Variants in SNAP25 observed in about 807,000 individuals in gnomAD.
The protein encoded by SNAP25 is synaptosomal-associated protein 25.
In SNAP25, 3 loss-of-function variants were observed where a neutral mutation model predicts 28.7. The ratio of observed to expected loss-of-function variants is 0.10; its 90% CI spans 0.05 to 0.27. SNAP25 has a LOEUF of 0.27. Among genes scored for constraint, SNAP25 ranks in the 10% least tolerant of loss-of-function variants. SNAP25 has a pLI of 1.00. For synonymous variants in SNAP25, 61 were observed against 88.1 expected (o/e 0.69, Z 1.72); for missense variants, 117 against 278.7 (o/e 0.42, Z 4.13).
chr20:10,244,343 G>A (rs2063090049), intron 1 of SNAP25, among the ~76,000 whole-genome samples: 1 of 152,044 alleles, frequency 6.6e-6, no homozygotes, highest in African/African-American at 2.4e-5. Context: ...AAATCCACCA[G>A]GTTTATTTAT....
intron 1 of SNAP25, among the ~76,000 whole-genome samples, chr20:10,246,637 T>A (rs927342747): frequency 6.6e-6 from 1 of 152,000 alleles, no homozygotes; most frequent in Non-Finnish European, 1.5e-5. Flanking sequence ...TGCAGACAAG[T>A]CTCCTAAACT....
Position 10,275,490 on chromosome 20 carries a change from C to A in SNAP25, c.-2C>A. 6.2e-7 allele frequency: 1 copy of A among 1,603,240 alleles called. No homozygotes were observed. Among genetic ancestry groups the A allele is most frequent in the Non-Finnish European group, 8.5e-7 (1 of 1,174,578 alleles). On this transcript the variant is annotated 5_prime_UTR_variant, in exon 2 of 8. Coordinates refer to ENST00000254976, the MANE Select transcript of SNAP25 (RefSeq NM_130811.4). ...GGCGCCCAGCCACTCCCCACCGCTA[C>A]CATGGCCGAAGACGCAGACATGCGC...
At chr20:10,305,132 A>G (rs1212892531) in intron 7 of SNAP25, among the ~76,000 whole-genome samples, 3 of 152,330 alleles carry the variant, frequency 2.0e-5, no homozygotes, top group Admixed American at 2.0e-4. Context: ...TATTTTATCC[A>G]TTCATGACAT....
At chr20:10,260,688 TACACACACACACACAC>T (rs36220354) in intron 1 of SNAP25, among the ~76,000 whole-genome samples, 3 of 148,596 alleles carry the variant, frequency 2.0e-5, no homozygotes, top group Non-Finnish European at 3.0e-5. Flanking sequence ...TTAGACTCAC[TACACACACACACACAC>T]ACACACACAC....
rs563979456 is a variant in SNAP25, at chr20:10,286,669, G to A, written c.163+1897G>A. Reference sequence around the variant, plus strand: ...ATCTGGCTGTCACATAAAGGCTTTCGGTTTTACATTATTTATTTGTATTAA... The same window carrying A: ...ATCTGGCTGTCACATAAAGGCTTTCAGTTTTACATTATTTATTTGTATTAA... On this transcript the variant is annotated intron_variant, in intron 4 of 7. Coordinates refer to ENST00000254976, the MANE Select transcript of SNAP25 (RefSeq NM_130811.4). Among the ~76,000 whole-genome samples, 128 of 152,168 alleles carry A rather than the reference G, an allele frequency of 8.4e-4. 3 individuals are homozygous for A. Among genetic ancestry groups the A allele is most frequent in the Non-Finnish European group, 5.3e-4 (36 of 68,010 alleles).
rs761144395 is a variant in SNAP25 at position 10,297,036 on chromosome 20, C to G, written c.393C>G (p.Gly131=). The part of the protein sequence containing the change: ...VDEREQMAIS[G]GFIRRVTNDA... The stretch of plus-strand genomic sequence containing the variant: ...AACGGGAGCAGATGGCCATCAGTGG[C>G]GGCTTCATCCGCAGGTGAGCCTCAT... Residue 131 remains glycine (G), a synonymous_variant, in exon 6 of 8, where the codon GGC becomes GGG. Coordinates refer to ENST00000254976, the MANE Select transcript of SNAP25 (RefSeq NM_130811.4). 5.6e-6 allele frequency: 9 copies of G among 1,600,532 alleles called. No individual in the cohort carries two copies. The highest frequency in any genetic ancestry group is 1.7e-4 in the Middle Eastern group (1 of 6,012).
intron 1 of SNAP25, among the ~76,000 whole-genome samples, chr20:10,229,657 A>G (rs567040213): frequency 1.7e-4 from 26 of 152,226 alleles, no homozygotes; most frequent in Middle Eastern, 3.4e-3. Flanking sequence ...TTGAGCATCT[A>G]CTATGTGGTA....
chr20:10,224,669 TC>T (rs1379335908), intron 1 of SNAP25, among the ~76,000 whole-genome samples: 1 of 151,860 alleles, frequency 6.6e-6, no homozygotes, highest in Admixed American at 6.6e-5. Flanking sequence ...CCTTATTTTT[TC>T]CCCCCTCAGA....
chr20:10,306,244 T>C lies in SNAP25; in HGVS notation c.*47T>C. On this transcript the variant is annotated 3_prime_UTR_variant, in exon 8 of 8. Coordinates refer to ENST00000254976, the MANE Select transcript of SNAP25 (RefSeq NM_130811.4). ...TCCAAATGCTGTCGGGCAAGATAGCTCCTTCATGCTTTTCTCATGGTATTA... is the reference window on the plus strand; with the variant it reads ...TCCAAATGCTGTCGGGCAAGATAGCCCCTTCATGCTTTTCTCATGGTATTA... The C allele has an allele frequency of 6.4e-7, 1 of 1,552,134 alleles. No individual in the cohort carries two copies. Among genetic ancestry groups the C allele is most frequent in the Non-Finnish European group, 8.9e-7 (1 of 1,124,832 alleles).
intron 1 of SNAP25, among the ~76,000 whole-genome samples, chr20:10,235,082 A>T (rs1348736047): frequency 6.6e-6 from 1 of 151,876 alleles, no homozygotes; most frequent in East Asian, 1.9e-4. Context: ...AAATAAAGTA[A>T]ATTAGTTGGG....
At chr20:10,273,488 T>A in intron 1 of SNAP25, among the ~76,000 whole-genome samples, 1 of 152,226 alleles carries the variant, frequency 6.6e-6, no homozygotes, top group East Asian at 1.9e-4. Flanking sequence ...AGGAGTCATT[T>A]TTCTCCATGC....
At chr20:10,279,783 C>T (rs111571027) in intron 3 of SNAP25, among the ~76,000 whole-genome samples, 6 of 152,310 alleles carry the variant, frequency 3.9e-5, no homozygotes, top group African/African-American at 1.4e-4. Flanking sequence ...GAAGCTATCT[C>T]CTGCCTCTAA....
intron 3 of SNAP25, among the ~76,000 whole-genome samples, chr20:10,281,428 G>T (rs1277015302): frequency 6.6e-6 from 1 of 152,156 alleles, no homozygotes; most frequent in Non-Finnish European, 1.5e-5. Context: ...GTTCTAACAT[G>T]TACCGAGGTG....
At chr20:10,236,993 T>TAAAG (rs2062935738) in intron 1 of SNAP25, among the ~76,000 whole-genome samples, 1 of 151,242 alleles carries the variant, frequency 6.6e-6, no homozygotes, top group South Asian at 2.1e-4. Flanking sequence ...AATAAATAAA[T>TAAAG]AAAGGCTTCT....
At chr20:10,230,902 G>T (rs538586947) in intron 1 of SNAP25, among the ~76,000 whole-genome samples, 90 of 152,264 alleles carry the variant, frequency 5.9e-4, no homozygotes, top group African/African-American at 2.0e-3. Context: ...GGACAAGTGT[G>T]TGGGATGGGG....
chr20:10,288,264 A>T (rs1027966120), intron 4 of SNAP25, among the ~76,000 whole-genome samples: 15 of 152,140 alleles, frequency 9.9e-5, no homozygotes, highest in Non-Finnish European at 2.1e-4. Flanking sequence ...TTGTAACTTC[A>T]TGTGGGTGGA....
At chr20:10,242,053 C>A (rs539866102) in intron 1 of SNAP25, among the ~76,000 whole-genome samples, 1 of 152,136 alleles carries the variant, frequency 6.6e-6, no homozygotes, top group East Asian at 1.9e-4. Context: ...CCAGCGGGTG[C>A]GCACCATGGG....
chr20:10,241,482 G>T (rs189384131), intron 1 of SNAP25, among the ~76,000 whole-genome samples: 1 of 152,172 alleles, frequency 6.6e-6, no homozygotes. Flanking sequence ...TCCTCTCGGG[G>T]TGATTAAATT....
At chr20:10,229,361 C>G (rs1021689534) in intron 1 of SNAP25, among the ~76,000 whole-genome samples, 5 of 152,054 alleles carry the variant, frequency 3.3e-5, no homozygotes, top group Non-Finnish European at 5.9e-5. Flanking sequence ...AACCCAGACT[C>G]TTTCTTGGAG....
Sources: allele counts gnomAD v4.1 joint callset (sites outside exome capture counted in the v4.1 genomes callset), GRCh38; gene constraint gnomAD v4.1.1; transcripts MANE v1.5; gene names NCBI Gene and HGNC (gene_info 2026-07-23, HGNC 2026-07-21).